ANO2: variants seen among roughly 807,000 people sequenced by gnomAD.
ANO2 encodes anoctamin 2, also known as anoctamin-2.
ANO2 carries 101 observed loss-of-function variants against 124.2 expected under a neutral mutation model. That is an observed-to-expected ratio of 0.81 (90% CI 0.69 to 0.96). The LOEUF is 0.96. ANO2 is among the 40% of genes least tolerant of loss of function. ANO2 has a pLI of 0.00. For missense variants in ANO2, 1,293 were observed against 1,274.5 expected (o/e 1.01, Z -0.22); for synonymous variants, 486 against 482.5 (o/e 1.01, Z -0.09).
rs868713652 is a variant in ANO2, at chr12:5,921,220, G to A, written c.354C>T (p.Phe118=). Residue 118 remains phenylalanine (F), a synonymous_variant, in exon 3 of 25, where the codon TTC becomes TTT. Coordinates refer to ENST00000682330, the MANE Select transcript of ANO2 (RefSeq NM_001364791.2). ...RKRGVHLAQG[F]PGHSLAIVSN... is the part of the protein sequence containing the mutation. ...AGACGATAGCCAGCGAGTGGCCAGG[G>A]AAGCCTTGGGCCAGGTGCACCCCGC... The A allele has an allele frequency of 3.1e-6, 5 of 1,613,868 alleles. No homozygotes were observed. In the African/African-American group the frequency reaches 5.3e-5, roughly 17 times the overall value.
chr12:5,652,735 G>A (rs1397582833), intron 14 of ANO2, among the ~76,000 whole-genome samples: 3 of 151,942 alleles, frequency 2.0e-5, no homozygotes, highest in Non-Finnish European at 4.4e-5. Context: ...GACCACAGAG[G>A]GAAGGGGCCA....
chr12:5,671,526 A>AGT (rs1036276963), intron 14 of ANO2, among the ~76,000 whole-genome samples: 14 of 151,050 alleles, frequency 9.3e-5, no homozygotes, highest in South Asian at 2.1e-4. Flanking sequence ...TGTGTGTGTG[A>AGT]GTGTGTGTGT....
intron 19 of ANO2, among the ~76,000 whole-genome samples, chr12:5,605,042 C>G (rs544840326): frequency 6.6e-6 from 1 of 152,076 alleles, no homozygotes; most frequent in Non-Finnish European, 1.5e-5. Context: ...GTGTCCATCA[C>G]ACCTTGGGCC....
chr12:5,659,082 C>T (rs1947319870), intron 14 of ANO2, among the ~76,000 whole-genome samples: 2 of 152,136 alleles, frequency 1.3e-5, no homozygotes, highest in Admixed American at 1.3e-4. Flanking sequence ...CACCTGGTCC[C>T]ACTGTCCCCT....
intron 3 of ANO2, among the ~76,000 whole-genome samples, chr12:5,864,544 A>C (rs1032451314): frequency 1.3e-5 from 2 of 152,194 alleles, no homozygotes; most frequent in Non-Finnish European, 2.9e-5. Context: ...GTGGATGCTA[A>C]CTCTCAGCAA....
chr12:5,942,974 G>T (rs1942952550), intron 1 of ANO2, among the ~76,000 whole-genome samples: 1 of 152,094 alleles, frequency 6.6e-6, no homozygotes, highest in Admixed American at 6.5e-5. Flanking sequence ...CTAGATGTCG[G>T]CATGGATGTG....
At chr12:5,656,584 C>A (rs1221733465) in intron 14 of ANO2, among the ~76,000 whole-genome samples, 1 of 152,206 alleles carries the variant, frequency 6.6e-6, no homozygotes, top group Non-Finnish European at 1.5e-5. Flanking sequence ...TCATTCCCCA[C>A]CCACTGTACC....
chr12:5,564,107 C>A (rs2136817457), intron 24 of ANO2, among the ~76,000 whole-genome samples: 1 of 152,300 alleles, frequency 6.6e-6, no homozygotes, highest in Non-Finnish European at 1.5e-5. Context: ...TGACTTCGGG[C>A]CTTCACTGAC....
At chr12:5,800,570 T>C (rs1475040500) in intron 9 of ANO2, among the ~76,000 whole-genome samples, 1 of 152,114 alleles carries the variant, frequency 6.6e-6, no homozygotes, top group Non-Finnish European at 1.5e-5. Context: ...TAGTTGATTC[T>C]GCTTAGATTT....
intron 16 of ANO2, among the ~76,000 whole-genome samples, chr12:5,616,541 T>A (rs892655545): frequency 6.6e-6 from 1 of 152,162 alleles, no homozygotes; most frequent in African/African-American, 2.4e-5. Flanking sequence ...AGAAAAGCAC[T>A]AATACTACAT....
chr12:5,653,674 T>A (rs1249397598), intron 14 of ANO2, among the ~76,000 whole-genome samples: 2 of 152,200 alleles, frequency 1.3e-5, no homozygotes, highest in African/African-American at 4.8e-5. Flanking sequence ...GCACTAGGCA[T>A]ACATAGAAGA....
chr12:5,773,349 T>G (rs905553964), intron 10 of ANO2, among the ~76,000 whole-genome samples: 3 of 152,208 alleles, frequency 2.0e-5, no homozygotes, highest in African/African-American at 7.2e-5. Flanking sequence ...TCAGGGGAGT[T>G]AGAAACTACT....
At chr12:5,873,491 C>T (rs947587551) in intron 3 of ANO2, among the ~76,000 whole-genome samples, 1 of 152,208 alleles carries the variant, frequency 6.6e-6, no homozygotes, top group Admixed American at 6.5e-5. Context: ...CCGTCCCTGC[C>T]TCGCTGGAGG....
chr12:5,825,288 C>T (rs549556314), intron 7 of ANO2, among the ~76,000 whole-genome samples: 1 of 152,286 alleles, frequency 6.6e-6, no homozygotes, highest in South Asian at 2.1e-4. Context: ...AATTGCAACA[C>T]CAACTAGGTG....
intron 1 of ANO2, among the ~76,000 whole-genome samples, chr12:5,928,494 T>C (rs1942197934): frequency 3.4e-5 from 5 of 146,418 alleles, no homozygotes; most frequent in African/African-American, 1.2e-4. Context: ...CCTTCCTCAC[T>C]GGTCTACTTT....
chr12:5,821,243 G>A (rs1035780016), intron 7 of ANO2, among the ~76,000 whole-genome samples: 1 of 152,180 alleles, frequency 6.6e-6, no homozygotes, highest in Non-Finnish European at 1.5e-5. Context: ...AATTTCTAGG[G>A]GTCCAGTGCT....
intron 14 of ANO2, among the ~76,000 whole-genome samples, chr12:5,695,674 C>A (rs1321584354): frequency 6.6e-6 from 1 of 152,142 alleles, no homozygotes; most frequent in Non-Finnish European, 1.5e-5. Context: ...AACCCCATCT[C>A]TACTAAAAAT....
intron 10 of ANO2, among the ~76,000 whole-genome samples, chr12:5,764,624 T>C (rs1847932948): frequency 1.3e-5 from 2 of 152,190 alleles, no homozygotes. Flanking sequence ...GGCAAATTTG[T>C]TAATTGGACA....
chr12:5,928,005 C>A (rs1942165513), intron 1 of ANO2, among the ~76,000 whole-genome samples: 2 of 152,094 alleles, frequency 1.3e-5, no homozygotes, highest in East Asian at 3.9e-4. Context: ...GCCAAGGAGA[C>A]CAGGAGACAC....
Sources: allele counts gnomAD v4.1 joint callset (sites outside exome capture counted in the v4.1 genomes callset), GRCh38; gene constraint gnomAD v4.1.1; transcripts MANE v1.5; gene names NCBI Gene and HGNC (gene_info 2026-07-23, HGNC 2026-07-21).